TENM3: variants seen among roughly 807,000 people sequenced by gnomAD.
TENM3 encodes the protein teneurin-3.
A neutral mutation model predicts 255.1 loss-of-function variants in TENM3; 63 were observed. That is an observed-to-expected ratio of 0.25 (90% CI 0.20 to 0.30). The LOEUF (loss-of-function observed/expected upper bound fraction) is 0.30. Among genes scored for constraint, TENM3 ranks in the 10% least tolerant of loss-of-function variants. The pLI is 1.00. For synonymous variants in TENM3, 1,306 were observed against 1,322.3 expected (o/e 0.99, Z 0.27); for missense variants, 2,929 against 3,461.1 (o/e 0.85, Z 3.86).
the TENM3 span, among the ~76,000 whole-genome samples, chr4:181,706,934 T>G: frequency 6.6e-6 from 1 of 152,192 alleles, no homozygotes; most frequent in Non-Finnish European, 1.5e-5. Context: ...TAGCCCTAGC[T>G]CAGCCAGGTT....
the TENM3 span, among the ~76,000 whole-genome samples, chr4:181,748,424 A>C: frequency 6.6e-6 from 1 of 152,242 alleles, no homozygotes; most frequent in East Asian, 1.9e-4. Context: ...GGTCAATAAT[A>C]GAACATAGAA....
At chr4:181,796,091 T>A in the TENM3 span, among the ~76,000 whole-genome samples, 1 of 152,202 alleles carries the variant, frequency 6.6e-6, no homozygotes, top group South Asian at 2.1e-4. Flanking sequence ...CACAAATGTT[T>A]TATGGTTGTT....
the TENM3 span, among the ~76,000 whole-genome samples, chr4:181,908,657 A>G: frequency 6.6e-6 from 1 of 152,204 alleles, no homozygotes; most frequent in South Asian, 2.1e-4. Context: ...GAATAAACAA[A>G]ATTAAACCTG....
chr4:182,778,415 G>C (rs576042050), intron 24 of TENM3, among the ~76,000 whole-genome samples: 1 of 152,114 alleles, frequency 6.6e-6, no homozygotes, highest in Non-Finnish European at 1.5e-5. Context: ...TGAGCGGCAC[G>C]GCCTAGCGTG....
At chr4:182,173,908 G>C (rs1337382978) in intron 1 of TENM3, among the ~76,000 whole-genome samples, 1 of 152,088 alleles carries the variant, frequency 6.6e-6, no homozygotes, top group Non-Finnish European at 1.5e-5. Context: ...GAGTATGGAT[G>C]ATTTTTATGT....
At chr4:181,674,808 A>T in the TENM3 span, among the ~76,000 whole-genome samples, 1 of 152,236 alleles carries the variant, frequency 6.6e-6, no homozygotes, top group Non-Finnish European at 1.5e-5. Flanking sequence ...TGCTTTTTTT[A>T]AAATATAATT....
At chr4:181,809,899 C>T in the TENM3 span, among the ~76,000 whole-genome samples, 27 of 152,182 alleles carry the variant, frequency 1.8e-4, no homozygotes, top group African/African-American at 5.3e-4. Flanking sequence ...ACACTCTCCC[C>T]GGAGCCCCCA....
At chr4:182,101,110 GGAAAGAAGGAAGGAAA>G in the TENM3 span, among the ~76,000 whole-genome samples, 2 of 46,718 alleles carry the variant, frequency 4.3e-5, no homozygotes. Context: ...GAGGGAGGAA[GGAAAGAAGGAAGGAAA>G]GAAGGAAGGA....
intron 3 of TENM3, among the ~76,000 whole-genome samples, chr4:182,473,088 A>C: frequency 6.6e-6 from 1 of 152,214 alleles, no homozygotes; most frequent in African/African-American, 2.4e-5. Context: ...ATTTTACATT[A>C]TTTCTTCTCT....
At chr4:182,669,234 A>C (rs1364713261) in intron 6 of TENM3, among the ~76,000 whole-genome samples, 1 of 151,958 alleles carries the variant, frequency 6.6e-6, no homozygotes, top group East Asian at 1.9e-4. Flanking sequence ...ATTATAACAT[A>C]AAGAGTATTA....
chr4:182,041,879 A>T, the TENM3 span, among the ~76,000 whole-genome samples: 5 of 152,330 alleles, frequency 3.3e-5, no homozygotes, highest in Non-Finnish European at 5.9e-5. Flanking sequence ...ATTACCCTTC[A>T]TGAATTAGCT....
the TENM3 span, among the ~76,000 whole-genome samples, chr4:181,526,449 G>A: frequency 6.6e-6 from 1 of 152,136 alleles, no homozygotes; most frequent in Non-Finnish European, 1.5e-5. Context: ...TTGTAGCCAG[G>A]AGAGATTGGA....
intron 1 of TENM3, among the ~76,000 whole-genome samples, chr4:182,235,583 G>A (rs1756844579): frequency 6.6e-6 from 1 of 152,060 alleles, no homozygotes; most frequent in Non-Finnish European, 1.5e-5. Flanking sequence ...ACACACGGGA[G>A]CCATCTCTCA....
chr4:181,580,521 A>G, the TENM3 span, among the ~76,000 whole-genome samples: 2 of 152,192 alleles, frequency 1.3e-5, no homozygotes, highest in Non-Finnish European at 2.9e-5. Context: ...TTTGAAAATA[A>G]GATAACCCCC....
chr4:181,934,403 T>TA, the TENM3 span, among the ~76,000 whole-genome samples: 20 of 152,192 alleles, frequency 1.3e-4, no homozygotes, highest in Non-Finnish European at 2.9e-4. Context: ...ATGGTTAATC[T>TA]AAGTTAAAAA....
chr4:182,343,875 C>T (rs1019091834), intron 2 of TENM3, among the ~76,000 whole-genome samples: 17 of 152,222 alleles, frequency 1.1e-4, no homozygotes, highest in African/African-American at 3.6e-4. Flanking sequence ...TTCTTAACCA[C>T]TGAGGAGAAG....
At chr4:182,024,898 G>T in the TENM3 span, among the ~76,000 whole-genome samples, 345 of 151,274 alleles carry the variant, frequency 2.3e-3, no homozygotes, top group African/African-American at 7.9e-3. Flanking sequence ...CAATCTTTTT[G>T]ATTTTTAGAT....
chr4:181,475,263 C>T, the TENM3 span, among the ~76,000 whole-genome samples: 2 of 152,190 alleles, frequency 1.3e-5, no homozygotes, highest in African/African-American at 2.4e-5. Flanking sequence ...TAGGACCTGA[C>T]ACAACAAAGT....
the TENM3 span, among the ~76,000 whole-genome samples, chr4:181,466,636 G>A: frequency 1.3e-5 from 2 of 151,990 alleles, no homozygotes; most frequent in African/African-American, 2.4e-5. Context: ...ATCACTCATC[G>A]AGCTCCATAT....
Sources: allele counts gnomAD v4.1 joint callset (sites outside exome capture counted in the v4.1 genomes callset), GRCh38; gene constraint gnomAD v4.1.1; transcripts MANE v1.5; gene names NCBI Gene and HGNC (gene_info 2026-07-23, HGNC 2026-07-21).